Variants in DYNC2I2 observed in about 807,000 individuals in gnomAD.
DYNC2I2 encodes dynein 2 intermediate chain 2, also known as cytoplasmic dynein 2 intermediate chain 2.
DYNC2I2 carries 39 observed loss-of-function variants against 52.0 expected under a neutral mutation model. The observed-to-expected ratio is 0.75, with a 90% confidence interval of 0.58 to 0.98. The LOEUF (loss-of-function observed/expected upper bound fraction) is 0.98, where lower values mean the gene tolerates loss of function less well. Among genes scored for constraint, DYNC2I2 ranks in the 50% least tolerant of loss-of-function variants. DYNC2I2 has a pLI of 0.00. For missense variants in DYNC2I2, 743 were observed against 728.4 expected, an observed-to-expected ratio of 1.02 and a Z score of -0.23; for synonymous variants, 359 against 321.1, an observed-to-expected ratio of 1.12 and a Z score of -1.26.
chr9:128,659,192 G>C (rs1031023965), upstream of DYNC2I2, among the ~76,000 whole-genome samples: 12 of 151,748 alleles, frequency 7.9e-5, no homozygotes, highest in Non-Finnish European at 1.8e-4. Flanking sequence ...CTCAAATGTA[G>C]ACTGAAGAAA....
At chr9:128,662,368 G>A in the DYNC2I2 span, among the ~76,000 whole-genome samples, 2 of 151,872 alleles carry the variant, frequency 1.3e-5, no homozygotes, top group South Asian at 2.1e-4. Flanking sequence ...TAAAGCAGCA[G>A]GATATTCATA....
chr9:128,667,388 C>A, the DYNC2I2 span, among the ~76,000 whole-genome samples: 2 of 151,868 alleles, frequency 1.3e-5, no homozygotes, highest in African/African-American at 2.4e-5. Context: ...TGCAGTGGCA[C>A]AATCTCAGCT....
upstream of DYNC2I2, among the ~76,000 whole-genome samples, chr9:128,660,467 GGT>G (rs1268447342): frequency 6.6e-6 from 1 of 151,222 alleles, no homozygotes; most frequent in African/African-American, 2.4e-5. Context: ...GGACTGCAGT[GGT>G]GTGATCTTGG....
intron 1 of DYNC2I2, among the ~76,000 whole-genome samples, chr9:128,643,579 C>A (rs1202607383): frequency 6.6e-6 from 1 of 151,630 alleles, no homozygotes; most frequent in East Asian, 1.9e-4. Flanking sequence ...TAGTCCCCAG[C>A]TACTCAGAAG....
intron 1 of DYNC2I2, among the ~76,000 whole-genome samples, chr9:128,653,919 G>A (rs1860767996): frequency 6.6e-6 from 1 of 152,142 alleles, no homozygotes; most frequent in South Asian, 2.1e-4. Flanking sequence ...GCTGAGGCAG[G>A]AGAATGGCGT....
the DYNC2I2 span, among the ~76,000 whole-genome samples, chr9:128,677,527 T>TA: frequency 1.3e-5 from 2 of 151,832 alleles, no homozygotes; most frequent in African/African-American, 4.8e-5. Flanking sequence ...CTAGGCACAG[T>TA]GGCTCATGCC....
the DYNC2I2 span, among the ~76,000 whole-genome samples, chr9:128,667,184 G>A: frequency 6.6e-6 from 1 of 151,800 alleles, no homozygotes; most frequent in African/African-American, 2.4e-5. Flanking sequence ...GGGCAACAGA[G>A]CAAAACTCCA....
the DYNC2I2 span, among the ~76,000 whole-genome samples, chr9:128,662,586 T>C: frequency 1.3e-5 from 2 of 151,674 alleles, no homozygotes; most frequent in African/African-American, 4.8e-5. Flanking sequence ...AATTTATTTA[T>C]TTATTTTTTT....
chr9:128,637,050 G>A (rs755375262), intron 2 of DYNC2I2, 23 bp from the exon 3 acceptor site: 1 of 1,587,320 alleles, frequency 6.3e-7, no homozygotes, highest in Non-Finnish European at 8.6e-7. Context: ...CCCCAACCCT[G>A]AGTCCAAAGC....
chr9:128,644,829 CTA>C (rs1860583724), intron 1 of DYNC2I2, among the ~76,000 whole-genome samples: 1 of 152,244 alleles, frequency 6.6e-6, no homozygotes, highest in African/African-American at 2.4e-5. Flanking sequence ...AATTCTCACA[CTA>C]TTTCAAATTT....
chr9:128,648,795 G>A lies in DYNC2I2; in HGVS notation c.186+7746C>T, dbSNP rs117665115. On this transcript the variant is annotated intron_variant, in intron 1 of 8. Coordinates refer to ENST00000372715, the MANE Select transcript of DYNC2I2 (RefSeq NM_052844.4). Reference sequence around the variant, plus strand: ...AGCCTGGGCGACGGAGGGAGACTCCGTTTCAAAAAAAAAAAAAAGAGAGAG... The same window carrying A: ...AGCCTGGGCGACGGAGGGAGACTCCATTTCAAAAAAAAAAAAAAGAGAGAG... 6.3e-3 allele frequency among the ~76,000 whole-genome samples: 437 copies of A among 69,582 alleles called. 14 individuals carry two copies. In the East Asian group the frequency reaches 0.1, roughly 16 times the overall value. The allele number at this position is 69,582 out of a possible 152,430, so 45.6% of individuals were successfully genotyped here. A position where few individuals can be genotyped will look rare whatever the true frequency, so the allele number is the denominator to read the frequency against.
chr9:128,638,220 C>CA (rs570370161), intron 2 of DYNC2I2, among the ~76,000 whole-genome samples: 15,793 of 95,682 alleles, frequency 0.17, 1,034 homozygotes, highest in Middle Eastern at 0.34. Context: ...GACCCTGTCT[C>CA]AAAAAAAAAA....
chr9:128,635,096 T>C lies in DYNC2I2; in HGVS notation c.977A>G (p.Lys326Arg), dbSNP rs1860361889. ...AGTTTCCGGGTGCCCACGTACCTTC[T>C]TGAGCTTGGTGCTCCGTGGCAGCTG... ...MQQLPRSTKL[K>R]KHPRGETEVG... Residue 326 changes from lysine (K) to arginine (R), a missense_variant, in exon 6 of 9, where the codon AAG (lysine) becomes AGG (arginine). Coordinates refer to ENST00000372715, the MANE Select transcript of DYNC2I2 (RefSeq NM_052844.4). 3.7e-6 allele frequency: 6 copies of C among 1,611,000 alleles called. No individual in the cohort carries two copies. Among genetic ancestry groups the C allele is most frequent in the Non-Finnish European group, 4.2e-6 (5 of 1,178,396 alleles).
At chr9:128,661,699 C>T (rs1161732514), upstream of DYNC2I2, among the ~76,000 whole-genome samples, 1 of 151,540 alleles carries the variant, frequency 6.6e-6, no homozygotes, top group Non-Finnish European at 1.5e-5. Flanking sequence ...TCCCATGCAT[C>T]AGGTCCTAAT....
At chr9:128,678,788 G>A in the DYNC2I2 span, among the ~76,000 whole-genome samples, 1 of 151,704 alleles carries the variant, frequency 6.6e-6, no homozygotes, top group Non-Finnish European at 1.5e-5. Context: ...AAACAAAGAG[G>A]GCCAGGCGTG....
Position 128,634,399 on chromosome 9 carries a change from G to A in DYNC2I2, c.1215-16C>T, listed in dbSNP as rs770906394. 1 of 1,562,188 alleles carries A rather than the reference G, an allele frequency of 6.4e-7. No homozygotes were observed. Among genetic ancestry groups the A allele is most frequent in the South Asian group, 1.2e-5 (1 of 81,628 alleles). On this transcript the variant is annotated splice_polypyrimidine_tract_variant and intron_variant, in intron 7 of 8. Transcript: ENST00000372715. ...GAAGAGATTCCTAGACGGGATGCAG[G>A]GGGCCAGGCAAGGGAATCAGTGCTG...
At chr9:128,668,250 C>T in the DYNC2I2 span, among the ~76,000 whole-genome samples, 41 of 139,240 alleles carry the variant, frequency 2.9e-4, no homozygotes, top group Middle Eastern at 3.8e-3. Flanking sequence ...TGAGCCACCA[C>T]GCCCGGCCAG....
chr9:128,666,597 A>G, the DYNC2I2 span, among the ~76,000 whole-genome samples: 1 of 151,912 alleles, frequency 6.6e-6, no homozygotes, highest in Admixed American at 6.6e-5. Flanking sequence ...CCCCATCTCT[A>G]CTAAAAACAC....
Position 128,634,387 on chromosome 9 carries a change from G to C in DYNC2I2, c.1215-4C>G. 6.3e-7 allele frequency: 1 copy of C among 1,575,010 alleles called. No homozygotes were observed. The highest frequency in any genetic ancestry group is 1.2e-5 in the South Asian group (1 of 84,452). On this transcript the variant is annotated splice_region_variant and splice_polypyrimidine_tract_variant and intron_variant, in intron 7 of 8. Coordinates refer to ENST00000372715, the MANE Select transcript of DYNC2I2 (RefSeq NM_052844.4). Reference sequence around the variant, plus strand: ...CCCAGCGCTCAGGAAGAGATTCCTAGACGGGATGCAGGGGGCCAGGCAAGG... The same window carrying C: ...CCCAGCGCTCAGGAAGAGATTCCTACACGGGATGCAGGGGGCCAGGCAAGG...
Sources: allele counts gnomAD v4.1 joint callset (sites outside exome capture counted in the v4.1 genomes callset), GRCh38; gene constraint gnomAD v4.1.1; transcripts MANE v1.5; gene names NCBI Gene and HGNC (gene_info 2026-07-23, HGNC 2026-07-21).